Variants in CCDC178 observed in about 807,000 individuals in gnomAD.
CCDC178 encodes the protein coiled-coil domain containing 178.
A neutral mutation model predicts 117.4 loss-of-function variants in CCDC178; 126 were observed. The ratio of observed to expected loss-of-function variants is 1.07; its 90% CI spans 0.93 to 1.24. The LOEUF is 1.24. Among genes scored for constraint, CCDC178 ranks in the 50% most tolerant of loss-of-function variants. The probability of loss-of-function intolerance (pLI) is 0.00; values close to 1 mark genes in which losing one functional copy is unlikely to be tolerated. For synonymous variants in CCDC178, 283 were observed against 313.4 expected (o/e 0.90, Z 1.02); for missense variants, 1,030 against 986.9 (o/e 1.04, Z -0.59).
At chr18:33,206,607 GA>G (rs2059047480) in intron 20 of CCDC178, among the ~76,000 whole-genome samples, 1 of 151,662 alleles carries the variant, frequency 6.6e-6, no homozygotes, top group African/African-American at 2.4e-5. Flanking sequence ...TTTTTTTCTA[GA>G]AAAATATAGC....
At chr18:33,373,434 G>C (rs1032796300) in intron 5 of CCDC178, among the ~76,000 whole-genome samples, 1 of 151,980 alleles carries the variant, frequency 6.6e-6, no homozygotes, top group Non-Finnish European at 1.5e-5. Context: ...ACTTCCTATA[G>C]CTATTATTCT....
chr18:33,154,591 A>G (rs1160467962), intron 20 of CCDC178, among the ~76,000 whole-genome samples: 2 of 152,190 alleles, frequency 1.3e-5, no homozygotes, highest in Non-Finnish European at 1.5e-5. Context: ...AATGCAAATG[A>G]AGTAAATACT....
intron 15 of CCDC178, among the ~76,000 whole-genome samples, chr18:33,231,952 C>A (rs562197004): frequency 1.3e-5 from 2 of 152,262 alleles, no homozygotes; most frequent in East Asian, 3.9e-4. Context: ...TTTGCTATTC[C>A]TGTGTTCTTT....
At chr18:32,956,519 T>C (rs1375554083) in intron 22 of CCDC178, 1 of 152,218 alleles carries the variant, frequency 6.6e-6, no homozygotes, top group African/African-American at 2.4e-5. Flanking sequence ...TTCTCCCCTC[T>C]GATAATAAAT....
intron 20 of CCDC178, among the ~76,000 whole-genome samples, chr18:33,129,109 T>C (rs1232653750): frequency 6.6e-6 from 1 of 152,108 alleles, no homozygotes; most frequent in African/African-American, 2.4e-5. Flanking sequence ...TAATCAAAGA[T>C]AGATTTCTTG....
chr18:33,297,928 G>A (rs1180344501), intron 11 of CCDC178, among the ~76,000 whole-genome samples: 3 of 152,072 alleles, frequency 2.0e-5, no homozygotes, highest in South Asian at 2.1e-4. Context: ...TGTAGTCCCA[G>A]CTACTCGGGA....
chr18:33,345,243 G>C (rs559811227), intron 9 of CCDC178, among the ~76,000 whole-genome samples: 2 of 152,192 alleles, frequency 1.3e-5, no homozygotes, highest in East Asian at 3.9e-4. Context: ...TCCTATGAGA[G>C]AGTAAAAATC....
At chr18:33,146,152 A>G (rs1049600064) in intron 20 of CCDC178, among the ~76,000 whole-genome samples, 1 of 152,236 alleles carries the variant, frequency 6.6e-6, no homozygotes, top group African/African-American at 2.4e-5. Context: ...AATAAGTTGC[A>G]GTTTCAATCA....
At chr18:33,102,105 G>C (rs568336432) in intron 20 of CCDC178, among the ~76,000 whole-genome samples, 2 of 151,876 alleles carry the variant, frequency 1.3e-5, no homozygotes, top group South Asian at 2.1e-4. Context: ...CTATACTCCA[G>C]AGATAGCATT....
At chr18:33,196,510 T>G (rs748407469) in intron 20 of CCDC178, among the ~76,000 whole-genome samples, 2 of 152,106 alleles carry the variant, frequency 1.3e-5, no homozygotes, top group Non-Finnish European at 2.9e-5. Flanking sequence ...TCTAGCAAAT[T>G]ATTGAACCTC....
At chr18:33,284,340 C>G (rs1229861723) in intron 12 of CCDC178, among the ~76,000 whole-genome samples, 1 of 152,100 alleles carries the variant, frequency 6.6e-6, no homozygotes. Context: ...AACAAACCCC[C>G]ATGACATAAG....
chr18:33,337,628 A>G (rs2062758879), intron 9 of CCDC178, among the ~76,000 whole-genome samples: 1 of 152,142 alleles, frequency 6.6e-6, no homozygotes. Flanking sequence ...CTGATCTTCA[A>G]CAAAGCAAAC....
At chr18:33,050,374 T>C (rs931185462) in intron 21 of CCDC178, among the ~76,000 whole-genome samples, 1 of 152,208 alleles carries the variant, frequency 6.6e-6, no homozygotes, top group Non-Finnish European at 1.5e-5. Context: ...ATTAGTCTTC[T>C]GAATGTTCTT....
intron 21 of CCDC178, among the ~76,000 whole-genome samples, chr18:33,091,324 C>CTCTTTTTTT (rs2057459597): frequency 2.3e-5 from 1 of 43,882 alleles, no homozygotes; most frequent in Non-Finnish European, 4.1e-5. Flanking sequence ...TTATTTCATT[C>CTCTTTTTTT]TTTTTTTTTT....
At chr18:33,331,726 T>C (rs1471114486) in intron 10 of CCDC178, among the ~76,000 whole-genome samples, 4 of 152,282 alleles carry the variant, frequency 2.6e-5, no homozygotes, top group Non-Finnish European at 5.9e-5. Flanking sequence ...TGCATTCTTG[T>C]CCACAGTGGA....
chr18:33,327,548 C>T (rs1308478064), intron 10 of CCDC178, among the ~76,000 whole-genome samples: 2 of 152,132 alleles, frequency 1.3e-5, no homozygotes, highest in Admixed American at 1.3e-4. Context: ...TCCATAGCGG[C>T]TGCACTATTT....
intron 20 of CCDC178, among the ~76,000 whole-genome samples, chr18:33,158,995 CGTT>C (rs1568024739): frequency 2.0e-5 from 3 of 151,992 alleles, no homozygotes; most frequent in Non-Finnish European, 2.9e-5. Flanking sequence ...AGGACAGCCT[CGTT>C]GTCATATAAA....
At chr18:33,233,365 T>C (rs1053852069) in intron 15 of CCDC178, among the ~76,000 whole-genome samples, 1 of 152,126 alleles carries the variant, frequency 6.6e-6, no homozygotes, top group African/African-American at 2.4e-5. Flanking sequence ...TCAGTTTTTA[T>C]ATATGTAAAA....
intron 19 of CCDC178, among the ~76,000 whole-genome samples, chr18:33,213,406 T>C (rs2059129474): frequency 6.6e-6 from 1 of 151,938 alleles, no homozygotes; most frequent in Non-Finnish European, 1.5e-5. Flanking sequence ...ACATCATTCA[T>C]ACCAAAAACA....
Sources: gnomAD v4.1 joint callset for allele counts (sites outside exome capture counted in the v4.1 genomes callset) on GRCh38, gnomAD v4.1.1 for gene constraint, MANE v1.5 for transcripts, NCBI Gene and HGNC (gene_info 2026-07-23, HGNC 2026-07-21) for gene names.